Variants in TKTL1 observed in about 807,000 individuals in gnomAD.
TKTL1 encodes the protein transketolase like 1.
In TKTL1, 1 loss-of-function variant was observed where a neutral mutation model predicts 39.3. The observed-to-expected ratio is 0.03, with a 90% confidence interval of 0.01 to 0.12. TKTL1 has a LOEUF of 0.12. TKTL1 is among the 10% of genes least tolerant of loss of function. The pLI, the probability that TKTL1 is intolerant of heterozygous loss-of-function variation, is 1.00. For missense variants in TKTL1, 575 were observed against 509.6 expected (o/e 1.13, Z -1.24); for synonymous variants, 262 against 193.8 (o/e 1.35, Z -2.92).
chrX:154,301,384 G>C (rs2067272043), intron 1 of TKTL1, among the ~76,000 whole-genome samples: 2 of 110,317 alleles, frequency 1.8e-5, no homozygotes, highest in East Asian at 5.7e-4. Flanking sequence ...GGGCGTGGTG[G>C]TGCACCTCTG....
chrX:154,316,156 G>A (rs990403467), intron 7 of TKTL1, among the ~76,000 whole-genome samples: 16 of 111,224 alleles, frequency 1.4e-4, no homozygotes, highest in Non-Finnish European at 3.0e-4. Context: ...TGCAAGCTCC[G>A]CCTCCTGGGT....
intron 8 of TKTL1, among the ~76,000 whole-genome samples, chrX:154,322,944 G>A (rs782358076): frequency 5.4e-5 from 6 of 112,061 alleles, no homozygotes; most frequent in African/African-American, 1.9e-4. Flanking sequence ...ACAGTAACTT[G>A]GAGTGATCCA....
At chrX:154,327,745 T>C (rs1346030480) in intron 11 of TKTL1, 58 bp downstream of exon 11, 10 of 1,194,536 alleles carry the variant, frequency 8.4e-6, no homozygotes, top group Non-Finnish European at 1.0e-5. Flanking sequence ...GGACTTCAGC[T>C]ACCTCCTGTG....
rs2067527397 is a variant in TKTL1 at position 154,330,207 on chromosome X, C to G, written c.*519C>G. The stretch of plus-strand genomic sequence containing the variant: ...CCACCTGCAGCTGCCCTGGAATTCC[C>G]TTCGCTGTTTGCCTTCATCTCCCTC... On this transcript the variant is annotated 3_prime_UTR_variant, in exon 13 of 13. Transcript: ENST00000369915. 1 of 114,983 alleles carries G rather than the reference C, an allele frequency of 8.7e-6. No individual in the cohort carries two copies. The highest frequency in any genetic ancestry group is 1.8e-5 in the Non-Finnish European group (1 of 55,085). 9.5% of individuals were successfully genotyped at this position (114,983 alleles called of 1,213,427 possible).
chrX:154,296,158 A>G (rs905639403), intron 1 of TKTL1, among the ~76,000 whole-genome samples, 165 bp downstream of exon 1: 1 of 111,020 alleles, frequency 9.0e-6, no homozygotes, highest in Non-Finnish European at 1.9e-5. Flanking sequence ...AGCACCCTAG[A>G]TGGCAGCGAG....
At chrX:154,309,248 A>T in intron 2 of TKTL1, 97 bp from the exon 3 acceptor site, 2 of 716,887 alleles carry the variant, frequency 2.8e-6, no homozygotes, top group Non-Finnish European at 4.4e-6. Flanking sequence ...GGACGCTGCT[A>T]CAGAGCTGAC....
intron 1 of TKTL1, 75 bp from the exon 2 acceptor site, chrX:154,305,229 G>A: frequency 1.7e-6 from 2 of 1,186,919 alleles, no homozygotes; most frequent in South Asian, 1.8e-5. Flanking sequence ...CTTCTATGAG[G>A]AGACCATGTG....
chrX:154,328,040 T>C, intron 12 of TKTL1, 82 bp downstream of exon 12: 1 of 1,104,258 alleles, frequency 9.1e-7, no homozygotes, highest in Non-Finnish European at 1.2e-6. Context: ...CTCTCAGGCA[T>C]CACCTATAGT....
intron 1 of TKTL1, among the ~76,000 whole-genome samples, chrX:154,297,719 G>A (rs1455056690): frequency 1.8e-5 from 2 of 110,543 alleles, no homozygotes; most frequent in Non-Finnish European, 3.8e-5. Flanking sequence ...CAGGCGGATC[G>A]TGTGAGCCTA....
Position 154,297,243 on chromosome X carries a change from G to T in TKTL1, c.134+1250G>T, listed in dbSNP as rs113641304. Among the ~76,000 whole-genome samples the T allele has an allele frequency of 7.5e-3, 695 of 92,745 alleles. 5 individuals are homozygous for T. Among genetic ancestry groups the T allele is most frequent in the African/African-American group, 0.042 (624 of 14,690 alleles). The allele number at this position is 92,745 out of a possible 115,157, so 80.5% of individuals were successfully genotyped here. A position where few individuals can be genotyped will look rare whatever the true frequency, so the allele number is the denominator to read the frequency against. On this transcript the variant is annotated intron_variant, in intron 1 of 12. Coordinates refer to ENST00000369915, the MANE Select transcript of TKTL1 (RefSeq NM_012253.4). ...CAGTATAAGGGATATTGGTCTACAG[G>T]TTTTTTTTGTTTTTTTTTTCTTTTT...
At chrX:154,311,070 C>T (rs1557168236) in intron 4 of TKTL1, 41 bp from the exon 5 acceptor site, 3 of 1,210,702 alleles carry the variant, frequency 2.5e-6, no homozygotes, top group Non-Finnish European at 3.4e-6. Context: ...CTGTCCTGCC[C>T]CCTTCATCTC....
chrX:154,314,147 G>T (rs1327579115), intron 6 of TKTL1, among the ~76,000 whole-genome samples: 2 of 110,880 alleles, frequency 1.8e-5, no homozygotes, highest in Non-Finnish European at 3.8e-5. Context: ...GGCTCACCAG[G>T]TTATATAAGA....
At chrX:154,317,956 A>G (rs2067414996) in intron 7 of TKTL1, among the ~76,000 whole-genome samples, 1 of 112,485 alleles carries the variant, frequency 8.9e-6, no homozygotes, top group African/African-American at 3.2e-5. Flanking sequence ...GTGGTATCAG[A>G]TGGCTGGGCA....
chrX:154,297,159 C>T (rs971804365), intron 1 of TKTL1, among the ~76,000 whole-genome samples: 3 of 111,201 alleles, frequency 2.7e-5, no homozygotes, highest in Non-Finnish European at 5.7e-5. Context: ...GAATTGAGTA[C>T]GAATTGGAAC....
intron 1 of TKTL1, among the ~76,000 whole-genome samples, chrX:154,304,053 CCT>C (rs2067296192): frequency 9.1e-6 from 1 of 110,410 alleles, no homozygotes; most frequent in South Asian, 3.9e-4. Flanking sequence ...GTGTCACCCC[CCT>C]TTCTACCGAC....
chrX:154,318,561 A>G (rs1346464049), intron 7 of TKTL1, among the ~76,000 whole-genome samples: 1 of 107,711 alleles, frequency 9.3e-6, no homozygotes, highest in South Asian at 4.1e-4. Context: ...AAAAAAAATT[A>G]GCCGGGCGTG....
chrX:154,320,938 T>C (rs1557170584), intron 8 of TKTL1, 25 bp downstream of exon 8: 1 of 1,198,140 alleles, frequency 8.3e-7, no homozygotes, highest in South Asian at 1.8e-5. Flanking sequence ...TGCCATCATC[T>C]TGGTAGCCTT....
At chrX:154,306,001 G>A (rs931504622) in intron 2 of TKTL1, among the ~76,000 whole-genome samples, 1 of 111,272 alleles carries the variant, frequency 9.0e-6, no homozygotes, top group Non-Finnish European at 1.9e-5. Context: ...ACTGTGTCCC[G>A]AAGCAAATTA....
At chrX:154,309,638 C>T (rs1321467704) in intron 3 of TKTL1, among the ~76,000 whole-genome samples, 196 bp downstream of exon 3, 1 of 111,291 alleles carries the variant, frequency 9.0e-6, no homozygotes, top group African/African-American at 3.3e-5. Context: ...CTTTCTCTCC[C>T]ACAGGTCTGT....
Sources: allele counts gnomAD v4.1 joint callset (sites outside exome capture counted in the v4.1 genomes callset), GRCh38; gene constraint gnomAD v4.1.1; transcripts MANE v1.5; gene names NCBI Gene and HGNC (gene_info 2026-07-23, HGNC 2026-07-21).